The following GRIP2 variants were observed in gnomAD, a reference collection of about 807,000 sequenced individuals.
The protein encoded by GRIP2 is glutamate receptor interacting protein 2, also known as glutamate receptor-interacting protein 2.
In GRIP2, 58 loss-of-function variants were observed where a neutral mutation model predicts 108.3. The observed-to-expected ratio is 0.54, with a 90% CI of 0.43 to 0.67. The LOEUF is 0.67. Among genes scored for constraint, GRIP2 ranks in the 30% least tolerant of loss-of-function variants. The pLI, the probability that GRIP2 is intolerant of heterozygous loss-of-function variation, is 0.00. For synonymous variants in GRIP2, 586 were observed against 598.2 expected, an observed-to-expected ratio of 0.98 and a Z score of 0.30; for missense variants, 1,278 against 1,430.6, an observed-to-expected ratio of 0.89 and a Z score of 1.72.
chr3:14,517,956 T>A (rs2124909963), intron 9 of GRIP2, 59 bp from the exon 10 acceptor site: 1 of 1,464,432 alleles, frequency 6.8e-7, no homozygotes, highest in East Asian at 2.5e-5. Context: ...GAGGGCACTA[T>A]GAAGCCAGGA....
chr3:14,536,355 G>A (rs781712379), intron 1 of GRIP2, among the ~76,000 whole-genome samples: 2 of 152,198 alleles, frequency 1.3e-5, no homozygotes, highest in Non-Finnish European at 2.9e-5. Context: ...GAGGCACCTG[G>A]AACCCAGGGC....
rs370522181 is a variant in GRIP2, at chr3:14,511,112, C to T, written c.1933+53G>A. 6.9e-5 allele frequency: 110 copies of T among 1,597,322 alleles called. No individual in the cohort carries two copies. Among genetic ancestry groups the T allele is most frequent in the South Asian group, 2.1e-4 (19 of 88,464 alleles). On this transcript the variant is annotated intron_variant, in intron 16 of 23. Transcript: ENST00000621039. The surrounding 1 kb of genome is among the most constrained non-coding windows in gnomAD (Gnocchi z 4.1). ...AGCCCTGAATTGCAAGCTGGGAACCCGCTAGTCAAAGGGTGGGCCTCTGGA... is the reference window on the plus strand; with the variant it reads ...AGCCCTGAATTGCAAGCTGGGAACCTGCTAGTCAAAGGGTGGGCCTCTGGA...
upstream of GRIP2, among the ~76,000 whole-genome samples, chr3:14,556,238 G>A (rs138931059): frequency 5.0e-3 from 758 of 152,274 alleles, 2 homozygotes; most frequent in Non-Finnish European, 8.4e-3. Context: ...CCACCCTCAA[G>A]TCCTCTTCCC....
In GRIP2 at chr3:14,511,461, C is replaced by G. The variant is rs1694091112; in HGVS notation, c.1739G>C (p.Gly580Ala). 6.2e-7 allele frequency: 1 copy of G among 1,613,614 alleles called. No individual in the cohort carries two copies. ...GATGTCGGAGATGATCAAGGGCTCCCCTCGTTTCCTGCTGGCCGCTGGAGA... is the reference window on the plus strand; with the variant it reads ...GATGTCGGAGATGATCAAGGGCTCCGCTCGTTTCCTGCTGGCCGCTGGAGA... ...ITISSASRKR[G>A]EPLIISDIKK... Residue 580 changes from glycine (G) to alanine (A), a missense_variant, in exon 15 of 24, where the codon GGG becomes GCG. Transcript: ENST00000621039. The surrounding 1 kb of genome is among the most constrained non-coding windows in gnomAD (Gnocchi z 4.1).
At chr3:14,585,323 A>G in the GRIP2 span, among the ~76,000 whole-genome samples, 2 of 152,242 alleles carry the variant, frequency 1.3e-5, no homozygotes, top group Admixed American at 6.5e-5. Context: ...GCCTGGCCAT[A>G]TTATGGAGAT....
the GRIP2 span, among the ~76,000 whole-genome samples, chr3:14,589,027 C>T: frequency 3.3e-5 from 5 of 152,206 alleles, no homozygotes; most frequent in Admixed American, 1.3e-4. Context: ...CCTACTCACT[C>T]GGGACCTTGA....
Position 14,511,131 on chromosome 3 carries a change from C to T in GRIP2, c.1933+34G>A, listed in dbSNP as rs772728589. On this transcript the variant is annotated intron_variant, in intron 16 of 23. Transcript: ENST00000621039. This position sits in a 1 kb window ranked among gnomAD's most constrained non-coding sequence, Gnocchi z 4.1. ...GGAACCCGCTAGTCAAAGGGTGGGC[C>T]TCTGGAGGTAGGAGGCCAGCATGAG... 3.3e-5 allele frequency: 53 copies of T among 1,610,802 alleles called. No individual in the cohort carries two copies. Among genetic ancestry groups the T allele is most frequent in the Non-Finnish European group, 4.1e-5 (48 of 1,178,400 alleles).
At chr3:14,574,294 T>C in the GRIP2 span, 10 of 973,056 alleles carry the variant, frequency 1.0e-5, no homozygotes, top group Admixed American at 8.7e-5. Flanking sequence ...CGTCCCACCA[T>C]GCTCAGCCCA....
Position 14,509,931 on chromosome 3 carries a change from G to C in GRIP2, c.1967C>G (p.Thr656Arg). Residue 656 changes from threonine to arginine, a missense_variant, in exon 17 of 24, where the codon ACA (threonine) becomes AGA (arginine). Physicochemically the swap from Thr to Arg is moderately conservative, Grantham distance 71. Coordinates refer to ENST00000621039, the MANE Select transcript of GRIP2 (RefSeq NM_001080423.4). ...ELETTGAVSYTVELKRYGGPL... is the reference protein window; with the variant it reads ...ELETTGAVSYRVELKRYGGPL... ...ACCCCCGTAGCGCTTCAGCTCCACT[G>C]TGTAACTGACGGCACCTGTGGTCTC... The C allele has an allele frequency of 6.5e-7, 1 of 1,549,530 alleles. No individual in the cohort carries two copies. Among genetic ancestry groups the C allele is most frequent in the South Asian group, 1.2e-5 (1 of 80,946 alleles).
At chr3:14,567,815 G>A in the GRIP2 span, among the ~76,000 whole-genome samples, 1 of 152,220 alleles carries the variant, frequency 6.6e-6, no homozygotes, top group Non-Finnish European at 1.5e-5. Flanking sequence ...ACAAAGACAT[G>A]ATAAATATGT....
At position 14,511,498 on chromosome 3, in the gene GRIP2, T is replaced by A. The variant is rs780719578; in HGVS notation, c.1721-19A>T. 2 of 1,611,906 alleles carry A rather than the reference T, an allele frequency of 1.2e-6. No homozygotes were observed. Among genetic ancestry groups the A allele is most frequent in the Non-Finnish European group, 1.7e-6 (2 of 1,179,458 alleles). ...CTGGCCGCTGGAGAAAAAGAGGCCA[T>A]GAATCTGACCTTGGTGGCCTCAGCC... On this transcript the variant is annotated intron_variant, in intron 14 of 23. Transcript: ENST00000621039. The surrounding 1 kb of genome is among the most constrained non-coding windows in gnomAD (Gnocchi z 4.1).
chr3:14,594,121 C>G, the GRIP2 span, among the ~76,000 whole-genome samples: 8 of 152,344 alleles, frequency 5.3e-5, no homozygotes, highest in African/African-American at 1.9e-4. Context: ...CCTGAAGAGA[C>G]CTGGTCTCCC....
chr3:14,555,063 T>C (rs1695213019), intron 1 of GRIP2, among the ~76,000 whole-genome samples: 1 of 146,858 alleles, frequency 6.8e-6, no homozygotes. Flanking sequence ...GCCTGGGGGG[T>C]TTAACTCCAG....
chr3:14,570,403 G>C, the GRIP2 span, among the ~76,000 whole-genome samples: 1 of 152,172 alleles, frequency 6.6e-6, no homozygotes, highest in Non-Finnish European at 1.5e-5. Flanking sequence ...CCTGGGCACA[G>C]TGGAGGGTGT....
chr3:14,547,088 G>T (rs1375263633), intron 1 of GRIP2, among the ~76,000 whole-genome samples: 1 of 152,136 alleles, frequency 6.6e-6, no homozygotes, highest in African/African-American at 2.4e-5. Context: ...ACACCGTGTT[G>T]TGTGACACAG....
At chr3:14,499,891 A>G (rs990095196) in intron 21 of GRIP2, among the ~76,000 whole-genome samples, 1 of 152,234 alleles carries the variant, frequency 6.6e-6, no homozygotes, top group African/African-American at 2.4e-5. Flanking sequence ...GAGAAAAAAA[A>G]ATCGCAAACA....
chr3:14,520,298 G>A lies in GRIP2; in HGVS notation c.861-19C>T. ...TCCGCTCCTGGCCAGGCAGGGGAGT[G>A]AAGGCGGAGGCTGGTCCAGGCCAGA... On this transcript the variant is annotated intron_variant, in intron 8 of 23. Coordinates refer to ENST00000621039, the MANE Select transcript of GRIP2 (RefSeq NM_001080423.4). 1.2e-6 allele frequency: 2 copies of A among 1,612,164 alleles called. No homozygotes were observed. The highest frequency in any genetic ancestry group is 1.7e-6 in the Non-Finnish European group (2 of 1,178,706).
Position 14,522,110 on chromosome 3 carries a change from C to A in GRIP2, c.567-323G>T, listed in dbSNP as rs1201677429. ...AGCTGGGGGTGCTCTTCAAGCGTCA[C>A]CCCCAACTCCTGCCTCAGGGACAAA... On this transcript the variant is annotated intron_variant, in intron 6 of 23. Transcript: ENST00000621039. This position sits in a 1 kb window ranked among gnomAD's most constrained non-coding sequence, Gnocchi z 4.3. The A allele has an allele frequency of 7.1e-6, 2 of 283,560 alleles. No individual in the cohort carries two copies. The highest frequency in any genetic ancestry group is 4.5e-5 in the African/African-American group (2 of 44,376). The allele number at this position is 283,560 out of a possible 1,614,324, so 17.6% of individuals were successfully genotyped here.
chr3:14,514,350 C>G lies in GRIP2; in HGVS notation c.1435G>C (p.Glu479Gln). 1 of 1,577,744 alleles carries G rather than the reference C, an allele frequency of 6.3e-7. No homozygotes were observed. The highest frequency in any genetic ancestry group is 8.6e-7 in the Non-Finnish European group (1 of 1,162,848). ...ACGAGGGGTGGGGAGGACAGGGTCT[C>G]GGTGGCGAAGATGCCGCCCTGGAGC... Reference protein sequence around the residue: ...LQLQGGIFATETLSSPPLVCF... With the variant: ...LQLQGGIFATQTLSSPPLVCF... Residue 479 changes from glutamate (E) to glutamine (Q), a missense_variant, in exon 12 of 24, where the codon GAG (glutamate) becomes CAG (glutamine). Coordinates refer to ENST00000621039, the MANE Select transcript of GRIP2 (RefSeq NM_001080423.4).
Sources: allele counts gnomAD v4.1 joint callset (sites outside exome capture counted in the v4.1 genomes callset), GRCh38; gene constraint gnomAD v4.1.1; non-coding constraint Gnocchi (gnomAD v3.1); transcripts MANE v1.5; gene names NCBI Gene and HGNC (gene_info 2026-07-23, HGNC 2026-07-21).